SDK1: variants seen among roughly 807,000 people sequenced by gnomAD.
SDK1 encodes protein sidekick-1.
In SDK1, 157 loss-of-function variants were observed where a neutral mutation model predicts 245.5. The observed-to-expected ratio is 0.64, with a 90% CI of 0.56 to 0.73. The LOEUF is 0.73. SDK1 is among the 30% of genes least tolerant of loss of function. SDK1 has a pLI of 0.00. For synonymous variants in SDK1, 1,647 were observed against 1,278.5 expected (o/e 1.29, Z -6.15); for missense variants, 3,583 against 3,002.3 (o/e 1.19, Z -4.52).
intron 1 of SDK1, among the ~76,000 whole-genome samples, chr7:3,440,013 AT>A (rs1310555066): frequency 6.6e-6 from 1 of 152,186 alleles, no homozygotes; most frequent in African/African-American, 2.4e-5. Flanking sequence ...ATAATTTGAT[AT>A]GCTTTGACAT....
intron 4 of SDK1, among the ~76,000 whole-genome samples, chr7:3,791,697 A>G (rs1341111652): frequency 6.6e-6 from 1 of 152,158 alleles, no homozygotes; most frequent in Non-Finnish European, 1.5e-5. Context: ...CCTGTCTCTG[A>G]AAGGAGAATC....
intron 5 of SDK1, among the ~76,000 whole-genome samples, chr7:3,918,688 A>C (rs1779475347): frequency 1.3e-5 from 2 of 152,224 alleles, no homozygotes; most frequent in South Asian, 4.1e-4. Context: ...GTCTTCTGTG[A>C]AACCAGTCCC....
At chr7:3,875,644 T>C (rs1012025746) in intron 5 of SDK1, among the ~76,000 whole-genome samples, 1 of 152,082 alleles carries the variant, frequency 6.6e-6, no homozygotes, top group Non-Finnish European at 1.5e-5. Flanking sequence ...TTTGTAGATG[T>C]AGAGACTCGG....
At chr7:4,105,590 C>T (rs1489148583) in intron 22 of SDK1, among the ~76,000 whole-genome samples, 1 of 152,200 alleles carries the variant, frequency 6.6e-6, no homozygotes, top group East Asian at 1.9e-4. Flanking sequence ...CAGGCGTGAG[C>T]CACCACGCCT....
At chr7:3,511,237 A>AT (rs1782570210) in intron 1 of SDK1, among the ~76,000 whole-genome samples, 2 of 152,238 alleles carry the variant, frequency 1.3e-5, no homozygotes, top group South Asian at 4.1e-4. Flanking sequence ...TACTTACAAG[A>AT]TAATTTAGTA....
chr7:3,489,606 T>C (rs187065898), intron 1 of SDK1, among the ~76,000 whole-genome samples: 214 of 152,330 alleles, frequency 1.4e-3, no homozygotes, highest in African/African-American at 5.0e-3. Context: ...GATGGAAGTG[T>C]AACTCAAGAT....
chr7:3,445,672 T>C (rs1175041153), intron 1 of SDK1, among the ~76,000 whole-genome samples: 1 of 152,192 alleles, frequency 6.6e-6, no homozygotes, highest in Non-Finnish European at 1.5e-5. Context: ...TGTCATTTTA[T>C]GAACCTTCCT....
chr7:4,223,561 C>T (rs991416071), intron 40 of SDK1, among the ~76,000 whole-genome samples: 8 of 152,218 alleles, frequency 5.3e-5, no homozygotes, highest in Non-Finnish European at 8.8e-5. Flanking sequence ...CCTTCATCTT[C>T]CCATGGTGAT....
intron 4 of SDK1, among the ~76,000 whole-genome samples, chr7:3,805,989 A>G (rs571950940): frequency 1.3e-5 from 2 of 152,030 alleles, no homozygotes; most frequent in East Asian, 3.9e-4. Flanking sequence ...GTGAATTTTC[A>G]AGGTGTTCCT....
chr7:4,013,701 C>T (rs1786162405), intron 16 of SDK1, among the ~76,000 whole-genome samples: 1 of 152,218 alleles, frequency 6.6e-6, no homozygotes, highest in African/African-American at 2.4e-5. Flanking sequence ...AGTTTTTCCT[C>T]CAGCGTCGGG....
intron 4 of SDK1, among the ~76,000 whole-genome samples, chr7:3,747,963 T>C (rs1247771896): frequency 6.6e-6 from 1 of 152,040 alleles, no homozygotes; most frequent in Non-Finnish European, 1.5e-5. Context: ...ATACGAAAAA[T>C]AATGTTTTCA....
intron 4 of SDK1, among the ~76,000 whole-genome samples, chr7:3,796,305 GGGCTTAAATAGAAATGGAGA>G (rs1422983583): frequency 6.6e-6 from 1 of 152,242 alleles, no homozygotes; most frequent in African/African-American, 2.4e-5. Flanking sequence ...GAAATGGAAG[GGGCTTAAATAGAAATGGAGA>G]GGTTTCTTTG....
At chr7:3,562,333 C>T (rs561522514) in intron 1 of SDK1, among the ~76,000 whole-genome samples, 25 of 152,176 alleles carry the variant, frequency 1.6e-4, no homozygotes, top group Non-Finnish European at 3.2e-4. Flanking sequence ...ATAAAAAGTA[C>T]TTTGGCCTTT....
At chr7:3,669,147 AAAC>A (rs1783620756) in intron 4 of SDK1, among the ~76,000 whole-genome samples, 6 of 152,252 alleles carry the variant, frequency 3.9e-5, no homozygotes, top group Non-Finnish European at 5.9e-5. Context: ...TAAGGTGGTA[AAAC>A]ATATTGGTTA....
chr7:4,228,913 G>C (rs1785590299), intron 40 of SDK1, among the ~76,000 whole-genome samples: 2 of 152,158 alleles, frequency 1.3e-5, no homozygotes, highest in South Asian at 4.1e-4. Context: ...GGACATCCCA[G>C]AGAGCTGACC....
At chr7:3,896,954 A>G (rs1583526930) in intron 5 of SDK1, among the ~76,000 whole-genome samples, 2 of 152,338 alleles carry the variant, frequency 1.3e-5, no homozygotes, top group South Asian at 2.1e-4. Context: ...CAGGAAAGTT[A>G]CAATCATGGC....
intron 1 of SDK1, among the ~76,000 whole-genome samples, chr7:3,378,491 C>T (rs889402174): frequency 1.3e-4 from 20 of 151,980 alleles, no homozygotes; most frequent in African/African-American, 4.8e-4. Context: ...AGCCATGTAC[C>T]CAGGGGTCAG....
chr7:3,500,729 T>G lies in SDK1; in HGVS notation c.299-118351T>G, dbSNP rs541810921. ...CTTCTAGAGTCATTTCATTAATGAC[T>G]TCATCCTTTAATTTTTTCCTCTCCT... is the stretch of plus-strand genomic sequence containing the variant. On this transcript the variant is annotated intron_variant, in intron 1 of 44. Transcript: ENST00000404826. 2.6e-5 allele frequency among the ~76,000 whole-genome samples: 4 copies of G among 152,174 alleles called. No individual in the cohort carries two copies. The South Asian group carries it at 8.3e-4, about 32-fold the overall frequency.
At chr7:3,807,930 T>G (rs555523214) in intron 4 of SDK1, among the ~76,000 whole-genome samples, 91 of 152,312 alleles carry the variant, frequency 6.0e-4, no homozygotes, top group African/African-American at 2.2e-3. Flanking sequence ...ATATCTCGTT[T>G]AATTCTCCTG....
Sources: allele counts gnomAD v4.1 joint callset (sites outside exome capture counted in the v4.1 genomes callset), GRCh38; gene constraint gnomAD v4.1.1; transcripts MANE v1.5; gene names NCBI Gene and HGNC (gene_info 2026-07-23, HGNC 2026-07-21).